The following KIRREL2 variants were observed in gnomAD, a reference collection of about 807,000 sequenced individuals.
KIRREL2 encodes kirre like nephrin family adhesion molecule 2.
KIRREL2 carries 56 observed loss-of-function variants against 73.4 expected under a neutral mutation model. The observed-to-expected ratio is 0.76, with a 90% CI of 0.62 to 0.95. The LOEUF (loss-of-function observed/expected upper bound fraction) is 0.95, where lower values mean the gene tolerates loss of function less well. Ranked by LOEUF, KIRREL2 falls within the 40% of genes least tolerant of loss-of-function variation. The pLI, the probability that KIRREL2 is intolerant of heterozygous loss-of-function variation, is 0.00. For missense variants in KIRREL2, 896 were observed against 935.0 expected (o/e 0.96, Z 0.54); for synonymous variants, 407 against 404.0 (o/e 1.01, Z -0.09).
chr19:35,855,574 G>GTC (rs1179437603), upstream of KIRREL2, among the ~76,000 whole-genome samples: 7 of 149,504 alleles, frequency 4.7e-5, no homozygotes. Flanking sequence ...AGACCCTGGG[G>GTC]TCTCAGTCCC....
rs543470158 is a variant in KIRREL2, at chr19:35,864,213, T to TA, written c.1726-434dup. Reference sequence around the variant, plus strand: ...GTTGTTGTTGTTGTTGTTTTTGAGATAGAGTCTTGCTCTGTCGTCCAAGCT... The same window carrying TA: ...GTTGTTGTTGTTGTTGTTTTTGAGATAAGAGTCTTGCTCTGTCGTCCAAGCT... On this transcript the variant is annotated intron_variant, in intron 13 of 14. Transcript: ENST00000360202. Among the ~76,000 whole-genome samples the TA allele has an allele frequency of 9.5e-3, 1,444 of 151,806 alleles. 10 individuals carry two copies. The highest frequency in any genetic ancestry group is 0.016 in the Non-Finnish European group (1,116 of 67,944).
upstream of KIRREL2, among the ~76,000 whole-genome samples, chr19:35,853,093 C>A (rs541645727): frequency 3.3e-5 from 5 of 149,548 alleles, no homozygotes; most frequent in Non-Finnish European, 5.9e-5. Context: ...CCGCACCTGG[C>A]CTCCCTTCCT....
At chr19:35,865,180 T>TTTTC (rs1244159958) in intron 14 of KIRREL2, among the ~76,000 whole-genome samples, 2 of 143,966 alleles carry the variant, frequency 1.4e-5, no homozygotes, top group Non-Finnish European at 3.1e-5. Flanking sequence ...CTTCTTTTTT[T>TTTTC]TTTTTTTTTT....
intron 12 of KIRREL2, 135 bp from the exon 13 acceptor site, chr19:35,862,792 G>A: frequency 2.9e-6 from 2 of 694,190 alleles, no homozygotes; most frequent in South Asian, 1.7e-5. Context: ...TCCTCGGTGG[G>A]AATGATTCTT....
upstream of KIRREL2, chr19:35,851,835 C>T: frequency 1.3e-6 from 2 of 1,551,334 alleles, no homozygotes; most frequent in Non-Finnish European, 1.7e-6. Context: ...TCCCCAGGGC[C>T]ATCACAGGTC....
intron 14 of KIRREL2, among the ~76,000 whole-genome samples, chr19:35,865,360 A>T (rs1174272627): frequency 6.6e-6 from 1 of 151,974 alleles, no homozygotes. Context: ...CATGTTGGCC[A>T]GGCTGATCTG....
upstream of KIRREL2, chr19:35,856,768 CGCCCACCCGCCG>C: frequency 2.4e-6 from 1 of 408,252 alleles, no homozygotes; most frequent in East Asian, 5.8e-5. This position sits in a 1 kb window ranked among gnomAD's most constrained non-coding sequence, Gnocchi z 5.9. Context: ...GAGCTGGGGG[CGCCCACCCGCCG>C]GGGGATCCCG....
upstream of KIRREL2, chr19:35,856,707 G>A (rs1362364375): frequency 5.8e-6 from 2 of 346,600 alleles, no homozygotes; most frequent in African/African-American, 2.2e-5. The surrounding 1 kb of genome is among the most constrained non-coding windows in gnomAD (Gnocchi z 5.9). Context: ...CAACCCAGCC[G>A]GGACCCCCTC....
intron 14 of KIRREL2, among the ~76,000 whole-genome samples, chr19:35,864,972 C>T (rs1167090641): frequency 6.6e-6 from 1 of 152,012 alleles, no homozygotes; most frequent in Non-Finnish European, 1.5e-5. Context: ...GACCAGGGCT[C>T]ACCCTGCCTG....
At chr19:35,860,023 A>T (rs1043689965) in intron 5 of KIRREL2, among the ~76,000 whole-genome samples, 3 of 152,042 alleles carry the variant, frequency 2.0e-5, no homozygotes, top group African/African-American at 7.2e-5. Flanking sequence ...GCAGAGTGAG[A>T]CTCCGAGCAG....
chr19:35,860,604 G>T lies in KIRREL2; in HGVS notation c.865G>T (p.Val289Leu). Residue 289 changes from valine (V) to leucine (L), a missense_variant, in exon 7 of 15, where the codon GTG becomes TTG. Physicochemically the swap from Val to Leu is conservative, Grantham distance 32. Transcript: ENST00000360202. Reference sequence around the variant, plus strand: ...AGACGCCTCGTTCCTGACTGAGCCCGTGTCCTGCGAGGTCAGCAACGCCGT... The same window carrying T: ...AGACGCCTCGTTCCTGACTGAGCCCTTGTCCTGCGAGGTCAGCAACGCCGT... ...VADASFLTEPVSCEVSNAVGS... is the reference protein window; with the variant it reads ...VADASFLTEPLSCEVSNAVGS... 6.2e-7 allele frequency: 1 copy of T among 1,603,792 alleles called. No homozygotes were observed.
chr19:35,857,608 G>T (rs533839276), intron 2 of KIRREL2, 114 bp downstream of exon 2: 8 of 1,135,474 alleles, frequency 7.0e-6, no homozygotes, highest in Non-Finnish European at 9.9e-6. Flanking sequence ...TGATGGGCTC[G>T]GGTAAACATT....
chr19:35,864,998 G>A (rs1008614589), intron 14 of KIRREL2, among the ~76,000 whole-genome samples: 3 of 151,688 alleles, frequency 2.0e-5, no homozygotes, highest in Admixed American at 6.6e-5. Context: ...TCCTCATCAC[G>A]GTCAAGCCCC....
At chr19:35,853,590 A>G (rs1407423736), upstream of KIRREL2, among the ~76,000 whole-genome samples, 6 of 151,980 alleles carry the variant, frequency 3.9e-5, no homozygotes, top group African/African-American at 1.4e-4. Flanking sequence ...TGCAGCCTCA[A>G]CTTCCTGGGC....
chr19:35,861,105 C>A lies in KIRREL2; in HGVS notation c.1057-17C>A. 2.5e-6 allele frequency: 4 copies of A among 1,607,882 alleles called. No individual in the cohort carries two copies. Among genetic ancestry groups the A allele is most frequent in the South Asian group, 1.1e-5 (1 of 90,644 alleles). Reference sequence around the variant, plus strand: ...TTCCTTACAAATCCGGCTTCTGACGCCCCTTCCCTGTCGCAGGTGCTGGGC... The same window carrying A: ...TTCCTTACAAATCCGGCTTCTGACGACCCTTCCCTGTCGCAGGTGCTGGGC... On this transcript the variant is annotated splice_polypyrimidine_tract_variant and intron_variant, in intron 8 of 14. Coordinates refer to ENST00000360202, the MANE Select transcript of KIRREL2 (RefSeq NM_199180.4).
Position 35,862,516 on chromosome 19 carries a change from G to A in KIRREL2, c.1534G>A (p.Val512Met). ...AGACTTGCTGCCCACTGTGCGGATA[G>A]TGGCCGGAGTGGCCGCTGCCACCAC... ...RRDLLPTVRI[V>M]AGVAAATTTL... Residue 512 changes from valine to methionine, a missense_variant, in exon 12 of 15, where the codon GTG becomes ATG. Transcript: ENST00000360202. 3 of 1,610,134 alleles carry A rather than the reference G, an allele frequency of 1.9e-6. No homozygotes were observed. The highest frequency in any genetic ancestry group is 2.5e-6 in the Non-Finnish European group (3 of 1,179,924).
chr19:35,861,269 C>T lies in KIRREL2; in HGVS notation c.1189+15C>T, dbSNP rs201201381. 6.8e-4 allele frequency: 1,031 copies of T among 1,521,814 alleles called. No homozygotes were observed. The highest frequency in any genetic ancestry group is 8.6e-4 in the Non-Finnish European group (986 of 1,145,996). 94.3% of individuals were successfully genotyped at this position (1,521,814 alleles called of 1,614,324 possible). On this transcript the variant is annotated intron_variant, in intron 9 of 14. Transcript: ENST00000360202. The stretch of plus-strand genomic sequence containing the variant: ...GACTGTGAACGGTGAGAAGGCGGGG[C>T]TTCCTAGGGGACCTGGCCCGTCCTG...
At chr19:35,855,157 T>A (rs376055414), upstream of KIRREL2, among the ~76,000 whole-genome samples, 42 of 151,804 alleles carry the variant, frequency 2.8e-4, no homozygotes, top group African/African-American at 7.7e-4. Flanking sequence ...TCCTCCCACC[T>A]CCCCTCTCCC....
At position 35,861,912 on chromosome 19, in the gene KIRREL2, C is replaced by A. The variant is rs201857557; in HGVS notation, c.1398C>A (p.Ile466=). 64 of 1,610,920 alleles carry A rather than the reference C, an allele frequency of 4.0e-5. No individual in the cohort carries two copies. Among genetic ancestry groups the A allele is most frequent in the Non-Finnish European group, 5.0e-5 (59 of 1,178,878 alleles). ...ESRGGLGPGL[I]SVLHISGTQE... is the part of the protein sequence containing the mutation. Reference sequence around the variant, plus strand: ...GCGGGGGACTGGGTCCGGGCCTGATCTCTGTGCTACACATTTCGGGGACCC... The same window carrying A: ...GCGGGGGACTGGGTCCGGGCCTGATATCTGTGCTACACATTTCGGGGACCC... Residue 466 remains isoleucine (I), a synonymous_variant, in exon 11 of 15, where the codon ATC becomes ATA. Transcript: ENST00000360202.
Sources: allele counts gnomAD v4.1 joint callset (sites outside exome capture counted in the v4.1 genomes callset), GRCh38; gene constraint gnomAD v4.1.1; non-coding constraint Gnocchi (gnomAD v3.1); transcripts MANE v1.5; gene names NCBI Gene and HGNC (gene_info 2026-07-23, HGNC 2026-07-21).